The following TRAPPC9 variants were observed in gnomAD, a reference collection of about 807,000 sequenced individuals.
TRAPPC9 encodes the protein IKK2 binding protein.
In TRAPPC9, 83 loss-of-function variants were observed where a neutral mutation model predicts 124.0. The ratio of observed to expected loss-of-function variants is 0.67; its 90% CI spans 0.56 to 0.80. The LOEUF is 0.80. Among genes scored for constraint, TRAPPC9 ranks in the 30% least tolerant of loss-of-function variants. TRAPPC9 has a pLI of 0.00. For missense variants in TRAPPC9, 1,302 were observed against 1,508.3 expected (o/e 0.86, Z 2.27); for synonymous variants, 638 against 617.5 (o/e 1.03, Z -0.49).
chr8:140,297,676 T>G (rs1337573261), intron 11 of TRAPPC9, among the ~76,000 whole-genome samples: 1 of 152,224 alleles, frequency 6.6e-6, no homozygotes, highest in East Asian at 1.9e-4. Context: ...CCCCAGGGTC[T>G]GCGGGGCCCC....
intron 16 of TRAPPC9, among the ~76,000 whole-genome samples, chr8:140,249,597 CTTTTT>C (rs35511380): frequency 2.4e-5 from 2 of 81,990 alleles, no homozygotes; most frequent in African/African-American, 5.3e-5. Context: ...ATCTTTCACT[CTTTTT>C]TTTTTTTTTT....
Position 140,300,612 on chromosome 8 carries a change from T to C in TRAPPC9, c.1625A>G (p.His542Arg), listed in dbSNP as rs149274458. Residue 542 changes from histidine (H) to arginine (R), a missense_variant and splice_region_variant, in exon 11 of 23, where the codon CAT (histidine) becomes CGT (arginine). By Grantham distance (29) the His-to-Arg change is conservative. Around this residue, in one of 3 missense-constraint regions of TRAPPC9, gnomAD observed 657 missense variants for 811.2 expected, o/e 0.81. Coordinates refer to ENST00000438773, the MANE Select transcript of TRAPPC9 (RefSeq NM_001160372.4). ...AGCAGGAAGGTTCAATAGTTTCACA[T>C]GCCTGTTGTTTCAAACAGAACACAA... ...VPFTKLPIVR[H>R]VKLLNLPASL... 41 of 1,614,138 alleles carry C rather than the reference T, an allele frequency of 2.5e-5. No individual in the cohort carries two copies. Among genetic ancestry groups the C allele is most frequent in the Non-Finnish European group, 3.4e-5 (40 of 1,180,040 alleles).
At chr8:140,038,509 C>T (rs1407886979) in intron 17 of TRAPPC9, among the ~76,000 whole-genome samples, 3 of 152,234 alleles carry the variant, frequency 2.0e-5, no homozygotes, top group African/African-American at 7.2e-5. Flanking sequence ...ATACCTGCAG[C>T]GAACAACGCA....
intron 21 of TRAPPC9, among the ~76,000 whole-genome samples, chr8:139,867,795 C>T (rs4367514): frequency 6.6e-6 from 1 of 152,148 alleles, no homozygotes; most frequent in Non-Finnish European, 1.5e-5. Context: ...GAAAGATGGA[C>T]GAACTGTTCC....
chr8:140,096,505 G>C (rs1222880150), intron 17 of TRAPPC9: 1 of 152,232 alleles, frequency 6.6e-6, no homozygotes, highest in Non-Finnish European at 1.5e-5. Flanking sequence ...TCCGTGAAAA[G>C]AAGGTAAGAA....
At chr8:139,796,380 C>A (rs1054226924) in intron 21 of TRAPPC9, among the ~76,000 whole-genome samples, 3 of 152,206 alleles carry the variant, frequency 2.0e-5, no homozygotes, top group Non-Finnish European at 2.9e-5. Flanking sequence ...GGTTCCCGCC[C>A]AGAGACCCTG....
At chr8:139,879,804 T>C (rs1345351081) in intron 21 of TRAPPC9, among the ~76,000 whole-genome samples, 1 of 152,232 alleles carries the variant, frequency 6.6e-6, no homozygotes, top group Non-Finnish European at 1.5e-5. Flanking sequence ...GAATTATTTG[T>C]GTTAGCTTGT....
At chr8:140,332,311 G>C (rs1290922589) in intron 9 of TRAPPC9, among the ~76,000 whole-genome samples, 1 of 152,192 alleles carries the variant, frequency 6.6e-6, no homozygotes, top group Non-Finnish European at 1.5e-5. Flanking sequence ...GTAGAGGCTG[G>C]GAAGGGTTGG....
At chr8:140,022,675 AG>A (rs1319808137) in intron 18 of TRAPPC9, among the ~76,000 whole-genome samples, 2 of 152,218 alleles carry the variant, frequency 1.3e-5, no homozygotes, top group Non-Finnish European at 2.9e-5. Flanking sequence ...ATGCTCAGAA[AG>A]GGCCTGAAAT....
At chr8:140,086,091 A>C (rs1844166618) in intron 17 of TRAPPC9, among the ~76,000 whole-genome samples, 1 of 152,202 alleles carries the variant, frequency 6.6e-6, no homozygotes, top group Non-Finnish European at 1.5e-5. Context: ...AGGTTACCAG[A>C]TCCTTCCCAT....
rs1244569929 is a variant in TRAPPC9, at chr8:140,405,567, A to G, written c.1008+10T>C. On this transcript the variant is annotated intron_variant, in intron 6 of 22. Coordinates refer to ENST00000438773, the MANE Select transcript of TRAPPC9 (RefSeq NM_001160372.4). ...ACTGTGTAAAAAAAATCACAAAGCC[A>G]TAAAATCACCTTGCTGTAATAGGAA... 1 of 1,614,138 alleles carries G rather than the reference A, an allele frequency of 6.2e-7. No individual in the cohort carries two copies.
chr8:140,439,282 A>G, intron 2 of TRAPPC9, 85 bp from the exon 3 acceptor site: 3 of 1,468,942 alleles, frequency 2.0e-6, no homozygotes, highest in South Asian at 2.3e-5. Context: ...CAATTCTCTC[A>G]CTACTAAAAA....
At chr8:140,072,504 C>T (rs1036463494) in intron 17 of TRAPPC9, among the ~76,000 whole-genome samples, 14 of 141,866 alleles carry the variant, frequency 9.9e-5, no homozygotes, top group African/African-American at 2.2e-4. Context: ...GGCGACAGAG[C>T]GAGACTCCGT....
intron 21 of TRAPPC9, among the ~76,000 whole-genome samples, chr8:139,755,747 A>G (rs1819702632): frequency 7.5e-6 from 1 of 133,226 alleles, no homozygotes. Flanking sequence ...TGAGGACAGC[A>G]GGTCGCAGGG....
chr8:140,101,777 G>A (rs1363485235), intron 17 of TRAPPC9, among the ~76,000 whole-genome samples: 2 of 151,560 alleles, frequency 1.3e-5, no homozygotes, highest in African/African-American at 4.8e-5. Flanking sequence ...TCCTGACCTC[G>A]GGTGATCCAC....
At chr8:139,925,008 T>C (rs904460992) in intron 19 of TRAPPC9, among the ~76,000 whole-genome samples, 3 of 152,084 alleles carry the variant, frequency 2.0e-5, no homozygotes, top group African/African-American at 7.2e-5. Context: ...AGCTTCGTGT[T>C]CTCCAGCACG....
At chr8:140,244,898 C>T (rs114430287) in intron 16 of TRAPPC9, among the ~76,000 whole-genome samples, 2,101 of 137,778 alleles carry the variant, frequency 0.015, 45 homozygotes, top group African/African-American at 0.054. Flanking sequence ...TCTCTGCTTT[C>T]TGGGTTCAAG....
At chr8:139,951,750 G>C (rs374891157) in intron 19 of TRAPPC9, among the ~76,000 whole-genome samples, 25 of 152,342 alleles carry the variant, frequency 1.6e-4, no homozygotes, top group African/African-American at 5.8e-4. Flanking sequence ...GCACTGACAG[G>C]ACAGAAAAGG....
chr8:140,358,007 G>A (rs183880180), intron 9 of TRAPPC9, among the ~76,000 whole-genome samples: 5 of 152,158 alleles, frequency 3.3e-5, no homozygotes, highest in African/African-American at 9.7e-5. Context: ...GGATGCCAAC[G>A]GCCACAATAA....
Sources: gnomAD v4.1 joint callset for allele counts (sites outside exome capture counted in the v4.1 genomes callset) on GRCh38, gnomAD v4.1.1 for gene constraint, gnomAD v4.1.1 regional missense constraint, MANE v1.5 for transcripts, NCBI Gene and HGNC (gene_info 2026-07-23, HGNC 2026-07-21) for gene names.